Variants in ACBD5 observed in about 807,000 individuals in gnomAD.
ACBD5 encodes the protein acyl-CoA binding domain containing 5.
Under a neutral mutation model 71.8 loss-of-function variants are expected in ACBD5, and 40 were observed. The observed-to-expected ratio is 0.56, with a 90% CI of 0.43 to 0.72. The LOEUF (loss-of-function observed/expected upper bound fraction) is 0.72. Ranked by LOEUF, ACBD5 falls within the 30% of genes least tolerant of loss-of-function variation. The probability of loss-of-function intolerance (pLI) is 0.00; values close to 1 mark genes in which losing one functional copy is unlikely to be tolerated. For missense variants in ACBD5, 559 were observed against 644.5 expected, an observed-to-expected ratio of 0.87 and a Z score of 1.44; for synonymous variants, 229 against 218.6, an observed-to-expected ratio of 1.05 and a Z score of -0.42.
At chr10:27,216,998 T>A (rs1401261335) in intron 7 of ACBD5, among the ~76,000 whole-genome samples, 2 of 150,746 alleles carry the variant, frequency 1.3e-5, no homozygotes, top group Non-Finnish European at 3.0e-5. Flanking sequence ...TACAAAAAAT[T>A]AGCTGGGCAT....
chr10:27,224,921 C>T (rs937094245), intron 4 of ACBD5, among the ~76,000 whole-genome samples: 12 of 151,966 alleles, frequency 7.9e-5, no homozygotes, highest in Non-Finnish European at 1.3e-4. Context: ...ATCCCAGCTA[C>T]TTGGGAGGCT....
chr10:27,239,546 G>A (rs2065187296), intron 2 of ACBD5, among the ~76,000 whole-genome samples: 1 of 151,922 alleles, frequency 6.6e-6, no homozygotes, highest in Non-Finnish European at 1.5e-5. Flanking sequence ...TCCAATATGA[G>A]TATAAAAAAG....
chr10:27,215,579 T>C lies in ACBD5; in HGVS notation c.892A>G (p.Ser298Gly). ...TCCATAGAATCACAGTAAACTTCAC[T>C]GTCTGAATCGCTTGTCAAATGCTGA... ...GIQHLTSDSD[S>G]EVYCDSMEQF... Residue 298 changes from serine (S) to glycine (G), a missense_variant, in exon 8 of 13, where the codon AGT becomes GGT. By Grantham distance (56) the Ser-to-Gly change is moderately conservative. Transcript: ENST00000396271. 12 of 1,613,746 alleles carry C rather than the reference T, an allele frequency of 7.4e-6. No homozygotes were observed. Among genetic ancestry groups the C allele is most frequent in the Non-Finnish European group, 1.0e-5 (12 of 1,179,830 alleles).
In ACBD5 at chr10:27,219,730, A is replaced by G. The variant is rs2062096360; in HGVS notation, c.618T>C (p.Ser206=). 6.8e-6 allele frequency: 11 copies of G among 1,613,688 alleles called. No homozygotes were observed. The highest frequency in any genetic ancestry group is 9.3e-6 in the Non-Finnish European group (11 of 1,179,884). The change falls in exon 6 of 13, where the codon AGT becomes AGC. Residue 206 remains serine, a synonymous_variant. Transcript: ENST00000396271. ...AQEEVKGAEQ[S]DNDKKMMKKS... ...TGATTTTCCAAACATTACCATTATC[A>G]CTTTGTTCTGCTCCTTTCACTTCTT...
chr10:27,208,985 A>G (rs2060772280), intron 9 of ACBD5, among the ~76,000 whole-genome samples: 1 of 152,194 alleles, frequency 6.6e-6, no homozygotes, highest in African/African-American at 2.4e-5. Context: ...TAATATACAT[A>G]ATATACTAAT....
At chr10:27,227,781 C>T (rs1045426628) in intron 4 of ACBD5, among the ~76,000 whole-genome samples, 16 of 151,898 alleles carry the variant, frequency 1.1e-4, no homozygotes, top group African/African-American at 1.7e-4. Context: ...GGTGTGATCT[C>T]GACTCCCTGC....
chr10:27,203,405 G>C (rs910826127), intron 12 of ACBD5, among the ~76,000 whole-genome samples: 2 of 152,080 alleles, frequency 1.3e-5, no homozygotes, highest in Admixed American at 6.6e-5. Flanking sequence ...CCTATTTGAG[G>C]TACCTTGTCA....
rs540909278 is a variant in ACBD5, at chr10:27,218,026, A to G, written c.783T>C (p.Asp261=). 2 of 1,614,174 alleles carry G rather than the reference A, an allele frequency of 1.2e-6. No homozygotes were observed. Among genetic ancestry groups the G allele is most frequent in the South Asian group, 2.2e-5 (2 of 91,088 alleles). ...GRSTEEVKPI[D]ENLGQTGKSA... Reference sequence around the variant, plus strand: ...ATTTTCCAGTTTGCCCCAAGTTTTCATCAATGGGCTTTACTTCTTCAGTGC... The same window carrying G: ...ATTTTCCAGTTTGCCCCAAGTTTTCGTCAATGGGCTTTACTTCTTCAGTGC... The change falls in exon 7 of 13, where the codon GAT becomes GAC. Residue 261 remains aspartate (D), a synonymous_variant. Coordinates refer to ENST00000396271, the MANE Select transcript of ACBD5 (RefSeq NM_145698.5).
At position 27,222,972 on chromosome 10, in the gene ACBD5, C is replaced by T. The variant is rs189717799; in HGVS notation, c.490+366G>A. ...GAAAACATGACCTATCAAAATAAAACCATGAATTCTGCTATAATTTCGAAT... is the reference window on the plus strand; with the variant it reads ...GAAAACATGACCTATCAAAATAAAATCATGAATTCTGCTATAATTTCGAAT... On this transcript the variant is annotated intron_variant, in intron 5 of 12. Coordinates refer to ENST00000396271, the MANE Select transcript of ACBD5 (RefSeq NM_145698.5). Among the ~76,000 whole-genome samples, 137 of 152,262 alleles carry T rather than the reference C, an allele frequency of 9.0e-4. 1 individual carries two copies. Among genetic ancestry groups the T allele is most frequent in the Non-Finnish European group, 1.6e-3 (106 of 68,022 alleles).
rs1326723605 is a variant in ACBD5, at chr10:27,196,674, T to C, written c.*756A>G. On this transcript the variant is annotated 3_prime_UTR_variant, in exon 13 of 13. Coordinates refer to ENST00000396271, the MANE Select transcript of ACBD5 (RefSeq NM_145698.5). ...ACAAAAATGATTACAAAGGAATACA[T>C]TTATATGATTGAATAAAAACCTGAT... The C allele has an allele frequency of 2.6e-5, 12 of 454,434 alleles. No homozygotes were observed. The highest frequency in any genetic ancestry group is 4.9e-5 in the Non-Finnish European group (11 of 226,798). 28.2% of individuals were successfully genotyped at this position (454,434 alleles called of 1,614,324 possible).
At chr10:27,207,019 T>G (rs1170569157) in intron 10 of ACBD5, among the ~76,000 whole-genome samples, 1 of 151,860 alleles carries the variant, frequency 6.6e-6, no homozygotes, top group Non-Finnish European at 1.5e-5. Flanking sequence ...GGCTCACGCC[T>G]GTAATCCCAG....
intron 4 of ACBD5, among the ~76,000 whole-genome samples, chr10:27,226,777 G>A (rs624106): frequency 0.18 from 26,892 of 151,472 alleles, 2,934 homozygotes; most frequent in East Asian, 0.32. Context: ...TCAGCTGCCC[G>A]AGTAGCTGAG....
intron 13 of ACBD5, among the ~76,000 whole-genome samples, chr10:27,187,945 T>C (rs1395071114): frequency 6.6e-6 from 1 of 152,116 alleles, no homozygotes; most frequent in Non-Finnish European, 1.5e-5. Context: ...AATATAACTA[T>C]CACAAGTACA....
rs539586532 is a variant in ACBD5, at chr10:27,204,909, C to T, written c.1455+289G>A. On this transcript the variant is annotated intron_variant, in intron 11 of 12. Transcript: ENST00000396271. ...TTGGGAGGCCGAGGTGGGCAGATCA[C>T]GAGGTCAGGAGATCGAGACCATCTT... Among the ~76,000 whole-genome samples the T allele has an allele frequency of 6.6e-5, 10 of 152,198 alleles. No individual in the cohort carries two copies. The East Asian group carries it at 1.5e-3, about 23-fold the overall frequency.
intron 5 of ACBD5, among the ~76,000 whole-genome samples, chr10:27,221,089 C>T (rs1413082101): frequency 6.6e-6 from 1 of 152,046 alleles, no homozygotes; most frequent in Non-Finnish European, 1.5e-5. Context: ...ACCAGAATGG[C>T]TCAGGTTAAA....
chr10:27,229,511 C>G (rs1485322886), intron 4 of ACBD5, among the ~76,000 whole-genome samples: 2 of 151,876 alleles, frequency 1.3e-5, no homozygotes, highest in Non-Finnish European at 2.9e-5. Flanking sequence ...CACCACTGCA[C>G]TCCAACCTGG....
At chr10:27,233,441 A>C (rs2138241842) in intron 3 of ACBD5, among the ~76,000 whole-genome samples, 1 of 151,988 alleles carries the variant, frequency 6.6e-6, no homozygotes, top group African/African-American at 2.4e-5. Flanking sequence ...AAAAAAAAAA[A>C]AAAACTGGTG....
chr10:27,238,447 G>T (rs2065040862), intron 2 of ACBD5, among the ~76,000 whole-genome samples: 1 of 152,178 alleles, frequency 6.6e-6, no homozygotes, highest in Non-Finnish European at 1.5e-5. Context: ...TGCTTTAGAA[G>T]AAAGTATAAA....
intron 4 of ACBD5, among the ~76,000 whole-genome samples, chr10:27,228,809 A>ATT (rs2063440561): frequency 6.8e-5 from 1 of 14,808 alleles, no homozygotes; most frequent in Non-Finnish European, 5.4e-4. Flanking sequence ...ATATATATAT[A>ATT]TATATATTTT....
Sources: gnomAD v4.1 joint callset for allele counts (sites outside exome capture counted in the v4.1 genomes callset) on GRCh38, gnomAD v4.1.1 for gene constraint, MANE v1.5 for transcripts, NCBI Gene and HGNC (gene_info 2026-07-23, HGNC 2026-07-21) for gene names.